The following RAB30 variants were observed in gnomAD, a reference collection of about 807,000 sequenced individuals.
RAB30 encodes the protein ras-related protein Rab-30.
In RAB30, 9 loss-of-function variants were observed where a neutral mutation model predicts 25.1. That is an observed-to-expected ratio of 0.36 (90% confidence interval 0.22 to 0.63). RAB30 has a LOEUF of 0.63. Ranked by LOEUF, RAB30 falls within the 20% of genes least tolerant of loss-of-function variation. The probability of loss-of-function intolerance (pLI) is 0.69; values close to 1 mark genes in which losing one functional copy is unlikely to be tolerated. For synonymous variants in RAB30, 77 were observed against 86.4 expected (o/e 0.89, Z 0.60); for missense variants, 140 against 243.5 (o/e 0.58, Z 2.83).
At chr11:82,992,277 T>C (rs1335309601) in intron 3 of RAB30, 4 of 456,054 alleles carry the variant, frequency 8.8e-6, no homozygotes, top group Non-Finnish European at 1.8e-5. Flanking sequence ...ACACTATTTT[T>C]GTTCACTTTT....
In RAB30 at chr11:83,015,794, A is replaced by AAATGGTGATC. The variant is rs1225932676; in HGVS notation, c.-8-18480_-8-18471dup. On this transcript the variant is annotated intron_variant, in intron 1 of 4. Transcript: ENST00000527633. ...GAATCAAGAAGTAGAGTGTCAAAGA[A>AAATGGTGATC]AATGGTGATCAGTCTTGTCAAATGC... Among the ~76,000 whole-genome samples, 4 of 152,314 alleles carry AAATGGTGATC rather than the reference A, an allele frequency of 2.6e-5. No individual in the cohort carries two copies. In the East Asian group the frequency reaches 5.8e-4, roughly 22 times the overall value.
rs570084842 is a variant in RAB30 at position 83,008,391 on chromosome 11, T to C, written c.-8-11067A>G. On this transcript the variant is annotated intron_variant, in intron 1 of 4. Coordinates refer to ENST00000527633, the MANE Select transcript of RAB30 (RefSeq NM_001286060.2). ...GTGTCCACATGCTCAGCAACCTGAA[T>C]AGATGAAGACAAAAAAAGAACTCTC... 3.3e-5 allele frequency among the ~76,000 whole-genome samples: 5 copies of C among 152,264 alleles called. No homozygotes were observed. In the East Asian group the frequency reaches 9.6e-4, roughly 29 times the overall value.
intron 1 of RAB30, among the ~76,000 whole-genome samples, chr11:83,004,649 G>T (rs1052101927): frequency 1.3e-5 from 2 of 152,164 alleles, no homozygotes; most frequent in African/African-American, 4.8e-5. Context: ...CTCAGCAGGT[G>T]AATCTCACCC....
At chr11:83,037,505 C>T (rs1371205709) in intron 1 of RAB30, among the ~76,000 whole-genome samples, 2 of 152,172 alleles carry the variant, frequency 1.3e-5, no homozygotes, top group East Asian at 3.9e-4. Context: ...TCACCTCGGC[C>T]TCCCAAAGTG....
At chr11:83,040,676 G>A (rs1345646349) in intron 1 of RAB30, 1 of 152,148 alleles carries the variant, frequency 6.6e-6, no homozygotes, top group East Asian at 1.9e-4. Flanking sequence ...ACTTGGCATT[G>A]AAAAGGACAA....
At chr11:83,044,692 T>C (rs1475137384) in intron 1 of RAB30, among the ~76,000 whole-genome samples, 3 of 152,182 alleles carry the variant, frequency 2.0e-5, no homozygotes, top group Non-Finnish European at 4.4e-5. Context: ...TTCTCGTTCA[T>C]CAGAACTGAA....
intron 3 of RAB30, among the ~76,000 whole-genome samples, chr11:82,990,165 T>C (rs1371797362): frequency 6.6e-6 from 1 of 152,252 alleles, no homozygotes; most frequent in African/African-American, 2.4e-5. Flanking sequence ...ATTGTTTGTC[T>C]ACTCTCTTCT....
intron 1 of RAB30, among the ~76,000 whole-genome samples, chr11:83,058,591 G>A (rs1858502388): frequency 1.3e-5 from 2 of 152,264 alleles, no homozygotes; most frequent in Admixed American, 1.3e-4. Flanking sequence ...CCACACGAGT[G>A]ATACTGTGAA....
intron 1 of RAB30, among the ~76,000 whole-genome samples, chr11:83,011,254 T>A (rs1857296398): frequency 6.6e-6 from 1 of 152,284 alleles, no homozygotes; most frequent in African/African-American, 2.4e-5. Context: ...TAGTTTCTTT[T>A]TCCCATGTAC....
chr11:83,060,285 G>C (rs1336017817), intron 1 of RAB30: 1 of 151,972 alleles, frequency 6.6e-6, no homozygotes, highest in African/African-American at 2.4e-5. Flanking sequence ...GAAGGAAAGA[G>C]AATTAGAAAA....
At chr11:82,996,538 C>T (rs1413447385) in intron 2 of RAB30, among the ~76,000 whole-genome samples, 2 of 152,066 alleles carry the variant, frequency 1.3e-5, no homozygotes, top group Non-Finnish European at 2.9e-5. Context: ...GGGGAAAACA[C>T]ACAAAAAAGG....
At chr11:82,987,945 T>A (rs1565267788) in intron 3 of RAB30, among the ~76,000 whole-genome samples, 175 bp from the exon 4 acceptor site, 15 of 116,984 alleles carry the variant, frequency 1.3e-4, no homozygotes, top group Non-Finnish European at 1.8e-4. Flanking sequence ...CACTGAAAAT[T>A]AAAAAAAAAA....
At chr11:83,010,454 A>G (rs1857279297) in intron 1 of RAB30, among the ~76,000 whole-genome samples, 1 of 152,194 alleles carries the variant, frequency 6.6e-6, no homozygotes, top group South Asian at 2.1e-4. Context: ...AAAAAACAAA[A>G]ATAAATAAAT....
intron 4 of RAB30, among the ~76,000 whole-genome samples, chr11:82,985,644 G>T (rs960558680): frequency 1.3e-5 from 2 of 150,764 alleles, no homozygotes; most frequent in Non-Finnish European, 1.5e-5. Flanking sequence ...GAAAAAAAAT[G>T]AGAGTGGAAA....
At chr11:83,044,590 T>C (rs1409084513) in intron 1 of RAB30, among the ~76,000 whole-genome samples, 1 of 152,158 alleles carries the variant, frequency 6.6e-6, no homozygotes, top group East Asian at 1.9e-4. Flanking sequence ...AGCAATCCCA[T>C]GTATTACCAT....
intron 1 of RAB30, among the ~76,000 whole-genome samples, chr11:83,066,713 C>T (rs889342688): frequency 1.3e-5 from 2 of 152,062 alleles, no homozygotes; most frequent in Non-Finnish European, 2.9e-5. Context: ...ACTACACCCC[C>T]GCCTAATTTT....
In RAB30 at chr11:82,974,663, G is replaced by A. The variant is rs1033365225; in HGVS notation, c.*7502C>T. ...TAACCTGTTTATTAGTTAAAACTAT[G>A]TATGTATTAATATTAAAGATCCATG... is the stretch of plus-strand genomic sequence containing the variant. On this transcript the variant is annotated 3_prime_UTR_variant, in exon 5 of 5. Coordinates refer to ENST00000527633, the MANE Select transcript of RAB30 (RefSeq NM_001286060.2). The A allele has an allele frequency of 6.6e-6, 1 of 152,074 alleles. No individual in the cohort carries two copies. The highest frequency in any genetic ancestry group is 1.5e-5 in the Non-Finnish European group (1 of 67,982). The allele number at this position is 152,074 out of a possible 1,614,324, so 9.4% of individuals were successfully genotyped here.
intron 1 of RAB30, among the ~76,000 whole-genome samples, chr11:83,015,195 G>A (rs1473076926): frequency 2.0e-5 from 3 of 152,140 alleles, no homozygotes; most frequent in Non-Finnish European, 4.4e-5. Context: ...AGGGTATGAT[G>A]GTGTGGATAC....
intron 1 of RAB30, chr11:83,035,465 A>G (rs914677484): frequency 1.3e-5 from 2 of 152,626 alleles, no homozygotes; most frequent in African/African-American, 4.8e-5. Context: ...GGCCACCACC[A>G]TGATCCAGAG....
Sources: gnomAD v4.1 joint callset for allele counts (sites outside exome capture counted in the v4.1 genomes callset) on GRCh38, gnomAD v4.1.1 for gene constraint, MANE v1.5 for transcripts, NCBI Gene and HGNC (gene_info 2026-07-23, HGNC 2026-07-21) for gene names.